SCD5: variants seen among roughly 807,000 people sequenced by gnomAD.
The protein encoded by SCD5 is acyl-CoA-desaturase 4.
Under a neutral mutation model 30.4 loss-of-function variants are expected in SCD5, and 20 were observed. That is an observed-to-expected ratio of 0.66 (90% CI 0.46 to 0.96). The LOEUF (loss-of-function observed/expected upper bound fraction) is 0.96. Ranked by LOEUF, SCD5 falls within the 40% of genes least tolerant of loss-of-function variation. SCD5 has a pLI of 0.00. For missense variants in SCD5, 381 were observed against 443.3 expected (o/e 0.86, Z 1.26); for synonymous variants, 173 against 176.4 (o/e 0.98, Z 0.16).
chr4:82,714,218 A>G (rs1720173173), intron 1 of SCD5, among the ~76,000 whole-genome samples: 1 of 152,176 alleles, frequency 6.6e-6, no homozygotes. Flanking sequence ...CCTGGATCCT[A>G]TTCCATTTCC....
At chr4:82,679,403 G>A (rs1015262978) in intron 3 of SCD5, among the ~76,000 whole-genome samples, 2 of 152,128 alleles carry the variant, frequency 1.3e-5, no homozygotes, top group Admixed American at 1.3e-4. Flanking sequence ...GCTGTATTGA[G>A]ATGTACAGAG....
intron 3 of SCD5, among the ~76,000 whole-genome samples, chr4:82,679,230 A>AAGAAAGAAAGGG (rs1728505110): frequency 2.9e-5 from 1 of 33,994 alleles, no homozygotes; most frequent in Non-Finnish European, 6.6e-5. Flanking sequence ...AAAAGAAAGA[A>AAGAAAGAAAGGG]AGAAAGAAAG....
intron 1 of SCD5, among the ~76,000 whole-genome samples, chr4:82,755,424 T>C (rs1192916901): frequency 1.3e-5 from 2 of 152,036 alleles, no homozygotes; most frequent in African/African-American, 4.8e-5. Context: ...CATTTGAACC[T>C]GGGAGGCGGA....
intron 1 of SCD5, among the ~76,000 whole-genome samples, chr4:82,724,806 G>A (rs1198371846): frequency 1.3e-5 from 2 of 152,212 alleles, no homozygotes; most frequent in Admixed American, 6.5e-5. Flanking sequence ...CCTGTGAGCA[G>A]TGGGGCTTGC....
At chr4:82,769,740 C>A (rs993507031) in intron 1 of SCD5, among the ~76,000 whole-genome samples, 1 of 152,124 alleles carries the variant, frequency 6.6e-6, no homozygotes, top group Non-Finnish European at 1.5e-5. Context: ...GTCCCAATGT[C>A]TCTGACTTAC....
intron 1 of SCD5, among the ~76,000 whole-genome samples, chr4:82,738,948 G>A (rs964265906): frequency 6.6e-6 from 1 of 152,172 alleles, no homozygotes; most frequent in South Asian, 2.1e-4. Flanking sequence ...TAACAGAGGT[G>A]GGGACTGACA....
Position 82,795,127 on chromosome 4 carries a change from G to A in SCD5, c.232+3179C>T, listed in dbSNP as rs370428785. On this transcript the variant is annotated intron_variant, in intron 1 of 4. Coordinates refer to ENST00000319540, the MANE Select transcript of SCD5 (RefSeq NM_001037582.3). ...ACTAACAATTTGATGGCTCTTTCAC[G>A]GATGACATTTTACCACCACACAAAT... Among the ~76,000 whole-genome samples, 4 of 152,230 alleles carry A rather than the reference G, an allele frequency of 2.6e-5. No individual in the cohort carries two copies. In the East Asian group the frequency reaches 5.8e-4, roughly 22 times the overall value.
chr4:82,685,328 A>G (rs1420563501), intron 2 of SCD5, among the ~76,000 whole-genome samples: 1 of 152,188 alleles, frequency 6.6e-6, no homozygotes, highest in African/African-American at 2.4e-5. Flanking sequence ...CTCAAGCCAC[A>G]TAATATAACT....
chr4:82,798,420 C>T lies in SCD5; in HGVS notation c.118G>A (p.Gly40Arg), dbSNP rs759488147. Residue 40 changes from glycine (G) to arginine (R), a missense_variant, in exon 1 of 5, where the codon GGG (glycine) becomes AGG (arginine). Transcript: ENST00000319540. The part of the protein sequence containing the change: ...GGGPERPGAR[G>R]QRQNIVWRNV... ...CTCCAGACGATGTTCTGCCGCTGCC[C>T]GCGCGCGCCTGGCCTCTCCGGGCCG... 6.2e-7 allele frequency: 1 copy of T among 1,613,316 alleles called. No individual in the cohort carries two copies. Among genetic ancestry groups the T allele is most frequent in the Non-Finnish European group, 8.5e-7 (1 of 1,179,678 alleles).
chr4:82,722,714 G>A (rs956007653), intron 1 of SCD5, among the ~76,000 whole-genome samples: 5 of 151,090 alleles, frequency 3.3e-5, no homozygotes, highest in Non-Finnish European at 7.4e-5. Context: ...GCAGTGAGCC[G>A]AAATTGCACC....
At chr4:82,739,607 G>A (rs1720830937) in intron 1 of SCD5, among the ~76,000 whole-genome samples, 3 of 152,332 alleles carry the variant, frequency 2.0e-5, no homozygotes, top group South Asian at 2.1e-4. Context: ...TCACCCCAAC[G>A]ATGCTCTGAA....
rs58449506 is a variant in SCD5, at chr4:82,766,794, C to T, written c.232+31512G>A. Among the ~76,000 whole-genome samples, 932 of 152,164 alleles carry T rather than the reference C, an allele frequency of 6.1e-3. 12 individuals carry two copies. The highest frequency in any genetic ancestry group is 0.034 in the Middle Eastern group (10 of 294). On this transcript the variant is annotated intron_variant, in intron 1 of 4. Coordinates refer to ENST00000319540, the MANE Select transcript of SCD5 (RefSeq NM_001037582.3). The stretch of plus-strand genomic sequence containing the variant: ...TCAAGGCTTATTTTAAAAGTTTTTT[C>T]GGCCTCCAGAGTAGCTGGGACTACA...
chr4:82,740,791 CTT>C (rs1441925482), intron 1 of SCD5, among the ~76,000 whole-genome samples: 1 of 152,178 alleles, frequency 6.6e-6, no homozygotes, highest in African/African-American at 2.4e-5. Flanking sequence ...GTAGAGATAA[CTT>C]TTAATTCTTC....
chr4:82,747,905 G>A (rs1178657853), intron 1 of SCD5, among the ~76,000 whole-genome samples: 1 of 152,180 alleles, frequency 6.6e-6, no homozygotes, highest in Non-Finnish European at 1.5e-5. Flanking sequence ...TCAGACCTAT[G>A]GAATCAGGAA....
intron 2 of SCD5, among the ~76,000 whole-genome samples, chr4:82,693,356 G>C (rs57491817): frequency 0.14 from 20,570 of 151,864 alleles, 2,045 homozygotes; most frequent in African/African-American, 0.27. Context: ...CCTCACCAAT[G>C]TTTAAGCCAA....
intron 3 of SCD5, among the ~76,000 whole-genome samples, chr4:82,679,735 A>G (rs1728528034): frequency 6.6e-6 from 1 of 152,152 alleles, no homozygotes; most frequent in African/African-American, 2.4e-5. Flanking sequence ...CCCTCAGCGT[A>G]AAAGGAGAGG....
chr4:82,796,269 CAAA>C (rs34612984), intron 1 of SCD5, among the ~76,000 whole-genome samples: 1 of 105,440 alleles, frequency 9.5e-6, no homozygotes, highest in African/African-American at 3.4e-5. Flanking sequence ...GACTCTGTCT[CAAA>C]AAAAAAAAAA....
intron 1 of SCD5, among the ~76,000 whole-genome samples, chr4:82,752,701 G>A (rs926368358): frequency 2.0e-5 from 3 of 151,950 alleles, no homozygotes; most frequent in Non-Finnish European, 2.9e-5. Context: ...TGGAATCCTC[G>A]CCCTGTGAGC....
At chr4:82,771,476 C>T (rs952963105) in intron 1 of SCD5, among the ~76,000 whole-genome samples, 10 of 152,202 alleles carry the variant, frequency 6.6e-5, no homozygotes, top group South Asian at 2.1e-4. Context: ...CGGTGTAGGA[C>T]GCTATGCCTA....
Sources: allele counts gnomAD v4.1 joint callset (sites outside exome capture counted in the v4.1 genomes callset), GRCh38; gene constraint gnomAD v4.1.1; transcripts MANE v1.5; gene names NCBI Gene and HGNC (gene_info 2026-07-23, HGNC 2026-07-21).